NPY2R: variants seen among roughly 807,000 people sequenced by gnomAD.
NPY2R encodes neuropeptide Y receptor Y2.
Under a neutral mutation model 22.3 loss-of-function variants are expected in NPY2R, and 17 were observed. The ratio of observed to expected loss-of-function variants is 0.76; its 90% CI spans 0.52 to 1.14. The LOEUF (loss-of-function observed/expected upper bound fraction) is 1.14. Ranked by LOEUF, NPY2R falls within the 50% of genes most tolerant of loss-of-function variation. The probability of loss-of-function intolerance (pLI) is 0.00; values close to 1 mark genes in which losing one functional copy is unlikely to be tolerated. For synonymous variants in NPY2R, 209 were observed against 183.4 expected (o/e 1.14, Z -1.13); for missense variants, 424 against 467.9 (o/e 0.91, Z 0.87).
the NPY2R span, among the ~76,000 whole-genome samples, chr4:155,175,620 A>T: frequency 6.6e-6 from 1 of 152,138 alleles, no homozygotes; most frequent in Non-Finnish European, 1.5e-5. Context: ...GTCAGTTTTT[A>T]TGTATAATTT....
At chr4:155,185,886 G>T in the NPY2R span, among the ~76,000 whole-genome samples, 2 of 128,556 alleles carry the variant, frequency 1.6e-5, no homozygotes, top group Admixed American at 8.0e-5. Flanking sequence ...TTTTTCAGGG[G>T]TGAGTGAAAT....
chr4:155,174,960 A>G, the NPY2R span, among the ~76,000 whole-genome samples: 3 of 152,244 alleles, frequency 2.0e-5, no homozygotes, highest in East Asian at 5.8e-4. Context: ...TTCTGAAACT[A>G]TTCTCTAATG....
At chr4:155,199,966 C>T in the NPY2R span, among the ~76,000 whole-genome samples, 30 of 152,124 alleles carry the variant, frequency 2.0e-4, no homozygotes, top group Admixed American at 1.0e-3. Context: ...GACTTCCTGA[C>T]GACAACAACA....
chr4:155,200,296 C>T, the NPY2R span, among the ~76,000 whole-genome samples: 1 of 152,258 alleles, frequency 6.6e-6, no homozygotes, highest in East Asian at 1.9e-4. Flanking sequence ...CAAATCAAAA[C>T]CACAGTGAGA....
Position 155,215,072 on chromosome 4 carries a change from C to G in NPY2R, c.1133C>G (p.Ala378Gly), listed in dbSNP as rs764013984. The G allele has an allele frequency of 6.2e-7, 1 of 1,612,680 alleles. No homozygotes were observed. The highest frequency in any genetic ancestry group is 8.5e-7 in the Non-Finnish European group (1 of 1,179,880). ...GGCCCCAATGACTCTTTCACAGAGG[C>G]TACCAATGTCTAAGGAAGCTGTGGT... ...NSGPNDSFTE[A>G]TNV The change falls in exon 2 of 2, where the codon GCT (alanine) becomes GGT (glycine). Residue 378 changes from alanine (A) to glycine (G), a missense_variant. Ala to Gly is a moderately conservative substitution (Grantham distance 60). Transcript: ENST00000329476.
the NPY2R span, among the ~76,000 whole-genome samples, chr4:155,174,818 G>T: frequency 2.0e-5 from 3 of 151,856 alleles, no homozygotes; most frequent in Non-Finnish European, 2.9e-5. Context: ...TTCAGGCATT[G>T]CCATGAATCA....
chr4:155,186,681 A>G, the NPY2R span, among the ~76,000 whole-genome samples: 2 of 152,164 alleles, frequency 1.3e-5, no homozygotes, highest in Non-Finnish European at 2.9e-5. Flanking sequence ...GATACACAGT[A>G]GATCTTTAAA....
At chr4:155,204,504 C>T (rs1238948085), upstream of NPY2R, among the ~76,000 whole-genome samples, 1 of 152,138 alleles carries the variant, frequency 6.6e-6, no homozygotes, top group Non-Finnish European at 1.5e-5. Context: ...AAATACCTCG[C>T]TCTTACTCCC....
the NPY2R span, among the ~76,000 whole-genome samples, chr4:155,199,866 T>C: frequency 2.6e-5 from 4 of 152,132 alleles, no homozygotes; most frequent in Admixed American, 2.6e-4. Flanking sequence ...TTGAGATGGA[T>C]TAAAGACTTA....
chr4:155,192,653 A>G, the NPY2R span, among the ~76,000 whole-genome samples: 3 of 151,966 alleles, frequency 2.0e-5, no homozygotes, highest in Non-Finnish European at 2.9e-5. Context: ...TCTATACTCT[A>G]TCATTGGTTT....
upstream of NPY2R, chr4:155,206,519 A>G (rs1347148682): frequency 6.6e-6 from 1 of 152,218 alleles, no homozygotes; most frequent in African/African-American, 2.4e-5. Flanking sequence ...CTTTCATTTC[A>G]GTTTATCAGT....
intron 1 of NPY2R, 30 bp from the exon 2 acceptor site, chr4:155,213,862 G>C: frequency 8.3e-7 from 1 of 1,203,198 alleles, no homozygotes; most frequent in Non-Finnish European, 1.2e-6. Context: ...TGTTGTTGTT[G>C]TTTTGTTTTA....
chr4:155,204,770 G>A (rs1729248970), upstream of NPY2R, among the ~76,000 whole-genome samples: 1 of 150,750 alleles, frequency 6.6e-6, no homozygotes. Flanking sequence ...ACACCAATAT[G>A]CTGATGATGG....
the NPY2R span, among the ~76,000 whole-genome samples, chr4:155,183,948 A>T: frequency 1.3e-5 from 2 of 152,328 alleles, no homozygotes; most frequent in African/African-American, 2.4e-5. Context: ...GACAACTGTA[A>T]GTTCCATCCT....
At chr4:155,205,690 A>G (rs576406260), upstream of NPY2R, among the ~76,000 whole-genome samples, 1 of 152,296 alleles carries the variant, frequency 6.6e-6, no homozygotes, top group East Asian at 1.9e-4. Flanking sequence ...GAAATGGTCT[A>G]TGGGGTAGGG....
At chr4:155,188,064 C>T in the NPY2R span, among the ~76,000 whole-genome samples, 1 of 152,100 alleles carries the variant, frequency 6.6e-6, no homozygotes, top group Non-Finnish European at 1.5e-5. Context: ...GACATGCCAT[C>T]CACTTTTTTT....
At chr4:155,175,988 C>T in the NPY2R span, among the ~76,000 whole-genome samples, 1 of 152,092 alleles carries the variant, frequency 6.6e-6, no homozygotes, top group African/African-American at 2.4e-5. Context: ...AGTTAACCTT[C>T]CTAAGTTTAA....
chr4:155,189,041 G>A, the NPY2R span, among the ~76,000 whole-genome samples: 1 of 152,014 alleles, frequency 6.6e-6, no homozygotes, highest in Non-Finnish European at 1.5e-5. Flanking sequence ...CTTTTTTAAA[G>A]CACTTCATGT....
chr4:155,213,349 A>G (rs1729443881), intron 1 of NPY2R, among the ~76,000 whole-genome samples: 1 of 152,212 alleles, frequency 6.6e-6, no homozygotes, highest in Non-Finnish European at 1.5e-5. Flanking sequence ...TCCTGCACCA[A>G]AAACAGAATC....
Sources: allele counts gnomAD v4.1 joint callset (sites outside exome capture counted in the v4.1 genomes callset), GRCh38; gene constraint gnomAD v4.1.1; transcripts MANE v1.5; gene names NCBI Gene and HGNC (gene_info 2026-07-23, HGNC 2026-07-21).